The following VPS8 variants were observed in gnomAD, a reference collection of about 807,000 sequenced individuals.
The protein encoded by VPS8 is VPS8 subunit of CORVET complex.
In VPS8, 129 loss-of-function variants were observed where a neutral mutation model predicts 216.4. The observed-to-expected ratio is 0.60, with a 90% confidence interval of 0.52 to 0.69. The LOEUF is 0.69. Ranked by LOEUF, VPS8 falls within the 30% of genes least tolerant of loss-of-function variation. The pLI is 0.00. For synonymous variants in VPS8, 571 were observed against 565.4 expected, an observed-to-expected ratio of 1.01 and a Z score of -0.14; for missense variants, 1,531 against 1,683.5, an observed-to-expected ratio of 0.91 and a Z score of 1.59.
chr3:185,046,508 A>T (rs3736434), intron 46 of VPS8, among the ~76,000 whole-genome samples: 72,908 of 151,932 alleles, frequency 0.48, 17,808 homozygotes, highest in East Asian at 0.67. Flanking sequence ...AATTGGAACA[A>T]AGACTCAGAG....
chr3:184,954,430 A>G (rs1336004831), intron 36 of VPS8, among the ~76,000 whole-genome samples: 1 of 152,154 alleles, frequency 6.6e-6, no homozygotes, highest in Non-Finnish European at 1.5e-5. Context: ...CTCTAATCAC[A>G]TGGTTGGCCC....
chr3:184,909,113 C>T (rs373542993), intron 25 of VPS8, among the ~76,000 whole-genome samples: 8 of 152,174 alleles, frequency 5.3e-5, no homozygotes, highest in Admixed American at 2.0e-4. Flanking sequence ...TACCCCCTGT[C>T]GCTATCAAAC....
chr3:185,003,734 T>C (rs13065974), intron 45 of VPS8, among the ~76,000 whole-genome samples: 146,292 of 147,622 alleles, frequency 0.99, 72,483 homozygotes, highest in Non-Finnish European at 1. Flanking sequence ...GGGTGGCTGC[T>C]GGGCGGAGGG....
At chr3:184,971,536 A>G (rs527751166) in intron 39 of VPS8, 113 bp from the exon 40 acceptor site, 9 of 638,192 alleles carry the variant, frequency 1.4e-5, no homozygotes, top group Middle Eastern at 3.0e-4. Flanking sequence ...ATTAATTATT[A>G]TATACTAGAA....
chr3:184,985,983 C>T (rs942537015), intron 42 of VPS8, among the ~76,000 whole-genome samples: 2 of 152,222 alleles, frequency 1.3e-5, no homozygotes, highest in Admixed American at 1.3e-4. Flanking sequence ...CATTGTGACT[C>T]TTAAGACTTA....
At chr3:185,043,351 A>T (rs781399958) in intron 46 of VPS8, among the ~76,000 whole-genome samples, 8 of 152,258 alleles carry the variant, frequency 5.3e-5, no homozygotes, top group Non-Finnish European at 1.0e-4. Flanking sequence ...GCAGAAGGCC[A>T]GAGACTAATG....
rs1445869730 is a variant in VPS8 at position 184,873,420 on chromosome 3, G to A, written c.1734+2615G>A. ...TCTAAACTGTTTAATACTTAACTGT[G>A]TGGCAGACACTGTTACAGACCCTTT... On this transcript the variant is annotated intron_variant, in intron 21 of 47. Coordinates refer to ENST00000625842, the MANE Select transcript of VPS8 (RefSeq NM_001009921.3). Among the ~76,000 whole-genome samples, 3 of 152,106 alleles carry A rather than the reference G, an allele frequency of 2.0e-5. No individual in the cohort carries two copies. The East Asian group carries it at 5.8e-4, about 29-fold the overall frequency.
At chr3:185,043,274 A>G (rs1333011583) in intron 46 of VPS8, among the ~76,000 whole-genome samples, 3 of 152,340 alleles carry the variant, frequency 2.0e-5, no homozygotes, top group African/African-American at 4.8e-5. Context: ...GTTTCCTCAC[A>G]GGTAAATTAG....
chr3:184,813,349 C>T (rs1715586868), intron 1 of VPS8, among the ~76,000 whole-genome samples: 2 of 152,144 alleles, frequency 1.3e-5, no homozygotes, highest in South Asian at 4.1e-4. Flanking sequence ...TGGTGCTAAA[C>T]CTTACTCCAA....
chr3:184,854,050 GC>G (rs1724789842), intron 12 of VPS8, 40 bp downstream of exon 12: 2 of 1,612,458 alleles, frequency 1.2e-6, no homozygotes, highest in Non-Finnish European at 1.7e-6. Flanking sequence ...ACTTTTAGAA[GC>G]TTTGAATACC....
intron 25 of VPS8, among the ~76,000 whole-genome samples, chr3:184,902,267 G>C (rs1279468912): frequency 6.6e-6 from 1 of 151,944 alleles, no homozygotes; most frequent in Non-Finnish European, 1.5e-5. Flanking sequence ...CATGAGGTCA[G>C]GAGTTCAAGA....
intron 1 of VPS8, among the ~76,000 whole-genome samples, chr3:184,821,345 ACTT>A (rs1717538221): frequency 6.8e-6 from 1 of 147,610 alleles, no homozygotes; most frequent in Non-Finnish European, 1.5e-5. Flanking sequence ...TTTCTTCTCT[ACTT>A]TTTTTTTTTT....
At chr3:184,998,479 T>TTATATATATATATATATA (rs10530534) in intron 44 of VPS8, among the ~76,000 whole-genome samples, 1 of 134,982 alleles carries the variant, frequency 7.4e-6, no homozygotes. Flanking sequence ...AAGAGGAAGT[T>TTATATATATATATATATA]TATATATATA....
intron 5 of VPS8, among the ~76,000 whole-genome samples, chr3:184,835,699 T>G (rs1440610202): frequency 6.7e-6 from 1 of 150,358 alleles, no homozygotes; most frequent in Non-Finnish European, 1.5e-5. Context: ...AAATAAAAAT[T>G]TGGATTTTTC....
At chr3:184,965,324 C>A (rs1747221466) in intron 38 of VPS8, among the ~76,000 whole-genome samples, 1 of 152,176 alleles carries the variant, frequency 6.6e-6, no homozygotes, top group Admixed American at 6.5e-5. Context: ...CTCTTTTAAT[C>A]TGTAAATTAC....
At chr3:184,960,618 C>G (rs1746351110) in intron 37 of VPS8, among the ~76,000 whole-genome samples, 1 of 152,148 alleles carries the variant, frequency 6.6e-6, no homozygotes, top group Admixed American at 6.6e-5. Flanking sequence ...TATAATTTAG[C>G]ACATCAGATA....
At chr3:184,938,553 T>C (rs1742047257) in intron 35 of VPS8, among the ~76,000 whole-genome samples, 1 of 152,172 alleles carries the variant, frequency 6.6e-6, no homozygotes, top group African/African-American at 2.4e-5. Flanking sequence ...AAGTCAGCAC[T>C]TCTGGTAAAT....
chr3:184,990,090 A>G (rs1160604175), intron 42 of VPS8, among the ~76,000 whole-genome samples: 1 of 152,112 alleles, frequency 6.6e-6, no homozygotes, highest in Non-Finnish European at 1.5e-5. Context: ...AGAAAAAAGA[A>G]AAGTGTTCCC....
Position 185,052,243 on chromosome 3 carries a change from T to C in VPS8, c.*218T>C. The stretch of plus-strand genomic sequence containing the variant: ...CATGGCGTCAGTTCACCAGACTCAT[T>C]GATTTTGTTTTGCTTGTTAAGCAAA... On this transcript the variant is annotated 3_prime_UTR_variant, in exon 48 of 48. Coordinates refer to ENST00000625842, the MANE Select transcript of VPS8 (RefSeq NM_001009921.3). The C allele has an allele frequency of 2.2e-6, 1 of 460,608 alleles. No homozygotes were observed. The highest frequency in any genetic ancestry group is 3.8e-6 in the Non-Finnish European group (1 of 265,946). 28.5% of individuals were successfully genotyped at this position (460,608 alleles called of 1,614,324 possible).
Sources: gnomAD v4.1 joint callset for allele counts (sites outside exome capture counted in the v4.1 genomes callset) on GRCh38, gnomAD v4.1.1 for gene constraint, MANE v1.5 for transcripts, NCBI Gene and HGNC (gene_info 2026-07-23, HGNC 2026-07-21) for gene names.